Variants in RPS6KA5 observed in about 807,000 individuals in gnomAD.
RPS6KA5 encodes ribosomal protein S6 kinase alpha-5.
RPS6KA5 carries 27 observed loss-of-function variants against 85.5 expected under a neutral mutation model. The ratio of observed to expected loss-of-function variants is 0.32; its 90% CI spans 0.23 to 0.44. The LOEUF (loss-of-function observed/expected upper bound fraction) is 0.44, where lower values mean the gene tolerates loss of function less well. RPS6KA5 is among the 20% of genes least tolerant of loss of function. RPS6KA5 has a pLI of 1.00. For missense variants in RPS6KA5, 811 were observed against 980.9 expected (o/e 0.83, Z 2.31); for synonymous variants, 334 against 348.2 (o/e 0.96, Z 0.46).
intron 1 of RPS6KA5, among the ~76,000 whole-genome samples, chr14:91,031,595 T>C (rs541593675): frequency 6.6e-6 from 1 of 152,102 alleles, no homozygotes; most frequent in Admixed American, 6.5e-5. Context: ...TAGAAAATCA[T>C]AATGAAAAGT....
intron 3 of RPS6KA5, among the ~76,000 whole-genome samples, chr14:90,964,239 T>C (rs1426889511): frequency 6.6e-6 from 1 of 152,232 alleles, no homozygotes; most frequent in Non-Finnish European, 1.5e-5. Context: ...GCATGGCTCC[T>C]GCACATACCG....
At chr14:90,931,141 G>A (rs1320099155) in intron 5 of RPS6KA5, among the ~76,000 whole-genome samples, 1 of 152,164 alleles carries the variant, frequency 6.6e-6, no homozygotes, top group African/African-American at 2.4e-5. Flanking sequence ...CAATCCAAAT[G>A]TCCATCAACA....
Position 90,863,341 on chromosome 14 carries a change from G to GA in RPS6KA5, c.*8732dup, listed in dbSNP as rs1230164770. ...AAAAAAAAAAAAAAAGAAAAGAAAA[G>GA]AAAAAAATATATATATATAGAATAG... On this transcript the variant is annotated 3_prime_UTR_variant, in exon 17 of 17. Transcript: ENST00000614987. The GA allele has an allele frequency of 2.2e-4, 23 of 104,180 alleles. No individual in the cohort carries two copies. Among genetic ancestry groups the GA allele is most frequent in the African/African-American group, 6.5e-4 (19 of 29,388 alleles). 6.5% of individuals were successfully genotyped at this position (104,180 alleles called of 1,614,324 possible).
chr14:90,874,993 C>T (rs971514578), intron 15 of RPS6KA5, among the ~76,000 whole-genome samples: 4 of 152,116 alleles, frequency 2.6e-5, no homozygotes, highest in African/African-American at 7.2e-5. Context: ...CAGTGGAAGT[C>T]AAGTGCTAGC....
chr14:90,969,570 G>A (rs1268572018), intron 3 of RPS6KA5, among the ~76,000 whole-genome samples: 1 of 152,162 alleles, frequency 6.6e-6, no homozygotes, highest in Non-Finnish European at 1.5e-5. Flanking sequence ...TCTTGCTCGT[G>A]CAATTGCATG....
intron 1 of RPS6KA5, among the ~76,000 whole-genome samples, chr14:91,044,261 G>GA (rs2042718050): frequency 1.6e-5 from 1 of 61,320 alleles, no homozygotes; most frequent in African/African-American, 6.5e-5. Context: ...GAGAGAGAGA[G>GA]GGAGAGAGAG....
chr14:90,885,467 G>A (rs2034133780), intron 14 of RPS6KA5, among the ~76,000 whole-genome samples: 1 of 138,858 alleles, frequency 7.2e-6, no homozygotes, highest in Non-Finnish European at 1.5e-5. Context: ...GCAGGAGAAT[G>A]GCGTGAACCC....
chr14:91,039,414 A>G (rs2042520903), intron 1 of RPS6KA5, among the ~76,000 whole-genome samples: 2 of 152,224 alleles, frequency 1.3e-5, no homozygotes, highest in African/African-American at 4.8e-5. Flanking sequence ...AAACCAATAC[A>G]AAAATGCATT....
intron 1 of RPS6KA5, among the ~76,000 whole-genome samples, chr14:91,029,250 T>C (rs143655317): frequency 1.9e-3 from 286 of 152,348 alleles, no homozygotes; most frequent in African/African-American, 6.2e-3. Context: ...TTTATTATTG[T>C]CTTCCATTTT....
chr14:90,894,378 G>T, intron 13 of RPS6KA5, 35 bp downstream of exon 13: 1 of 1,598,196 alleles, frequency 6.3e-7, no homozygotes. Flanking sequence ...AATGGTGCTA[G>T]ACTGAATTAC....
intron 5 of RPS6KA5, among the ~76,000 whole-genome samples, chr14:90,934,201 C>T (rs1197996462): frequency 6.6e-6 from 1 of 152,124 alleles, no homozygotes; most frequent in African/African-American, 2.4e-5. Flanking sequence ...TAGAACAGTG[C>T]CTGGATCACA....
rs1462379269 is a variant in RPS6KA5, at chr14:90,851,206, T to A, written c.*20868A>T. The stretch of plus-strand genomic sequence containing the variant: ...GCGCTCATCACCATGCCTGGCTAAT[T>A]TTTTTGTACTTTTAGTAGAGACGGG... On this transcript the variant is annotated 3_prime_UTR_variant, in exon 17 of 17. Transcript: ENST00000614987. 1 of 152,084 alleles carries A rather than the reference T, an allele frequency of 6.6e-6. No homozygotes were observed. Among genetic ancestry groups the A allele is most frequent in the Non-Finnish European group, 1.5e-5 (1 of 68,062 alleles). 9.4% of individuals were successfully genotyped at this position (152,084 alleles called of 1,614,324 possible).
chr14:90,964,527 T>C (rs769604001), intron 3 of RPS6KA5, among the ~76,000 whole-genome samples: 5 of 152,208 alleles, frequency 3.3e-5, no homozygotes, highest in Non-Finnish European at 7.3e-5. Flanking sequence ...TGTACTGACA[T>C]TCTCATTCTA....
At chr14:90,872,360 AAGT>A (rs1295025133) in intron 16 of RPS6KA5, 38 bp from the exon 17 acceptor site, 1 of 1,565,070 alleles carries the variant, frequency 6.4e-7, no homozygotes, top group Non-Finnish European at 8.6e-7. Context: ...GTGAAGGTAA[AAGT>A]ACTGAAGCTT....
chr14:90,950,940 G>C (rs957101026), intron 3 of RPS6KA5, among the ~76,000 whole-genome samples: 2 of 151,582 alleles, frequency 1.3e-5, no homozygotes, highest in Non-Finnish European at 2.9e-5. Context: ...GGCCAACACG[G>C]TGAAACCCTG....
chr14:90,982,216 TTAGAGTAA>T, intron 2 of RPS6KA5, among the ~76,000 whole-genome samples: 1 of 152,150 alleles, frequency 6.6e-6, no homozygotes, highest in Middle Eastern at 3.4e-3. Flanking sequence ...CCTGACATTA[TTAGAGTAA>T]TCTTATTTTT....
intron 13 of RPS6KA5, among the ~76,000 whole-genome samples, chr14:90,892,014 TGA>T (rs2034591690): frequency 7.3e-6 from 1 of 137,224 alleles, no homozygotes; most frequent in Admixed American, 7.2e-5. Context: ...TTTTTTTTTT[TGA>T]GAGAGACAGT....
intron 3 of RPS6KA5, among the ~76,000 whole-genome samples, chr14:90,968,545 T>G (rs945233797): frequency 4.6e-5 from 7 of 152,128 alleles, no homozygotes; most frequent in Non-Finnish European, 1.0e-4. Context: ...CATACTACAG[T>G]ACAACTTCTA....
At chr14:90,943,224 C>CA (rs765932824) in intron 4 of RPS6KA5, 39 bp from the exon 5 acceptor site, 6 of 1,208,420 alleles carry the variant, frequency 5.0e-6, no homozygotes, top group Middle Eastern at 2.0e-4. Context: ...AAATAATTTA[C>CA]AAAAAAATGA....
Sources: allele counts gnomAD v4.1 joint callset (sites outside exome capture counted in the v4.1 genomes callset), GRCh38; gene constraint gnomAD v4.1.1; transcripts MANE v1.5; gene names NCBI Gene and HGNC (gene_info 2026-07-23, HGNC 2026-07-21).